Variants in CDC16 observed in about 807,000 individuals in gnomAD.
CDC16 encodes the protein cell division cycle 16.
CDC16 carries 34 observed loss-of-function variants against 87.0 expected under a neutral mutation model. The observed-to-expected ratio is 0.39, with a 90% CI of 0.30 to 0.52. The LOEUF (loss-of-function observed/expected upper bound fraction) is 0.52. Ranked by LOEUF, CDC16 falls within the 20% of genes least tolerant of loss-of-function variation. The probability of loss-of-function intolerance (pLI) is 0.74; values close to 1 mark genes in which losing one functional copy is unlikely to be tolerated. For missense variants in CDC16, 653 were observed against 751.9 expected (o/e 0.87, Z 1.54); for synonymous variants, 263 against 260.6 (o/e 1.01, Z -0.09).
At chr13:114,264,067 G>C (rs532398042) in intron 16 of CDC16, 1 of 152,134 alleles carries the variant, frequency 6.6e-6, no homozygotes, top group African/African-American at 2.4e-5. Flanking sequence ...TGAGCGCTTC[G>C]TAACTGATTT....
chr13:114,257,426 TG>T (rs989138761), intron 13 of CDC16, among the ~76,000 whole-genome samples, 196 bp downstream of exon 13: 7 of 152,242 alleles, frequency 4.6e-5, no homozygotes, highest in African/African-American at 1.7e-4. Flanking sequence ...ACCCAGGTTT[TG>T]GTCTTTTTTT....
intron 17 of CDC16, among the ~76,000 whole-genome samples, chr13:114,268,327 G>A (rs541660267): frequency 6.6e-6 from 1 of 152,356 alleles, no homozygotes; most frequent in Admixed American, 6.5e-5. Context: ...ACTACAAGTT[G>A]TCCAGGTTCT....
At position 114,261,849 on chromosome 13, in the gene CDC16, CAT is replaced by C. The variant is rs771333127; in HGVS notation, c.1315-32_1315-31del. ...GCAAACAAATCAGGCTGAACAGTGA[CAT>C]ATATAACTCGTGGGCTTGATGTTGC... is the stretch of plus-strand genomic sequence containing the variant. On this transcript the variant is annotated intron_variant, in intron 14 of 17. Coordinates refer to ENST00000356221, the MANE Select transcript of CDC16 (RefSeq NM_001078645.3). 4.9e-6 allele frequency: 7 copies of C among 1,439,586 alleles called. No homozygotes were observed. The African/African-American group carries it at 8.6e-5, about 18-fold the overall frequency. 89.2% of individuals were successfully genotyped at this position (1,439,586 alleles called of 1,614,324 possible). A position where few individuals can be genotyped will look rare whatever the true frequency, so the allele number is the denominator to read the frequency against.
At chr13:114,269,194 T>A (rs1594700008) in intron 17 of CDC16, among the ~76,000 whole-genome samples, 1 of 152,198 alleles carries the variant, frequency 6.6e-6, no homozygotes, top group East Asian at 1.9e-4. Context: ...GGAGCTCAGC[T>A]TGGGTGCTGA....
At chr13:114,236,541 AATTAT>A in intron 1 of CDC16, 99 bp from the exon 2 acceptor site, 1 of 929,484 alleles carries the variant, frequency 1.1e-6, no homozygotes. Context: ...TATTACATAG[AATTAT>A]ATTAATATAT....
rs2083755575 is a variant in CDC16 at position 114,272,529 on chromosome 13, C to T, written c.*86C>T. The T allele has an allele frequency of 8.6e-7, 1 of 1,167,202 alleles. No individual in the cohort carries two copies. Among genetic ancestry groups the T allele is most frequent in the Non-Finnish European group, 1.2e-6 (1 of 822,176 alleles). The allele number at this position is 1,167,202 out of a possible 1,614,324, so 72.3% of individuals were successfully genotyped here. A position where few individuals can be genotyped will look rare whatever the true frequency, so the allele number is the denominator to read the frequency against. ...TCCATGGCTTAAGAATGTCCCACTT[C>T]CTAACGTGACTCCAAACTGCATCTC... On this transcript the variant is annotated 3_prime_UTR_variant, in exon 18 of 18. Transcript: ENST00000356221.
chr13:114,246,824 G>A, intron 10 of CDC16, 107 bp from the exon 11 acceptor site: 1 of 740,472 alleles, frequency 1.4e-6, no homozygotes, highest in Non-Finnish European at 2.5e-6. Flanking sequence ...ACTAGAATAT[G>A]TGATAAGGAA....
Position 114,239,578 on chromosome 13 carries a change from T to C in CDC16, c.381+88T>C. ...AAACACATTATCTTCTTTTACTTAT[T>C]ACTATATTAAAACAATTGTGGTTGC... On this transcript the variant is annotated intron_variant, in intron 5 of 17. Transcript: ENST00000356221. 5 of 1,341,486 alleles carry C rather than the reference T, an allele frequency of 3.7e-6. No individual in the cohort carries two copies. In the South Asian group the frequency reaches 1.2e-4, roughly 33 times the overall value. 83.1% of individuals were successfully genotyped at this position (1,341,486 alleles called of 1,614,324 possible).
chr13:114,270,886 T>A (rs1308505119), intron 17 of CDC16, among the ~76,000 whole-genome samples: 1 of 151,546 alleles, frequency 6.6e-6, no homozygotes, highest in Non-Finnish European at 1.5e-5. Flanking sequence ...CAGAGGGATG[T>A]CTCCTTGACC....
In CDC16 at chr13:114,244,941, G is replaced by T. The variant is rs1429884404; in HGVS notation, c.819G>T (p.Gly273=). 1.4e-5 allele frequency: 22 copies of T among 1,606,182 alleles called. No individual in the cohort carries two copies. The highest frequency in any genetic ancestry group is 1.9e-5 in the Non-Finnish European group (22 of 1,173,894). Reference sequence around the variant, plus strand: ...CAAGTTGTTTACCTGTACATATAGGGACGCTTGTAGAGCTGAATAAAGCCA... The same window carrying T: ...CAAGTTGTTTACCTGTACATATAGGTACGCTTGTAGAGCTGAATAAAGCCA... ...FHASCLPVHI[G]TLVELNKANE... Residue 273 remains glycine, a synonymous_variant, in exon 9 of 18, where the codon GGG becomes GGT. Coordinates refer to ENST00000356221, the MANE Select transcript of CDC16 (RefSeq NM_001078645.3).
In CDC16 at chr13:114,262,683, G is replaced by A. The variant is rs56718210; in HGVS notation, c.1377-196G>A. On this transcript the variant is annotated intron_variant, in intron 15 of 17. Transcript: ENST00000356221. ...CCCTGCAGGAGTGCCCTTGGCCGGC[G>A]GAGGGAGTGGGCCTGGAAGATGCAT... is the stretch of plus-strand genomic sequence containing the variant. Among the ~76,000 whole-genome samples, 724 of 152,324 alleles carry A rather than the reference G, an allele frequency of 4.8e-3. 2 individuals are homozygous for A. Among genetic ancestry groups the A allele is most frequent in the African/African-American group, 0.016 (680 of 41,564 alleles).
intron 9 of CDC16, 22 bp from the exon 10 acceptor site, chr13:114,245,976 CTT>C: frequency 7.3e-7 from 1 of 1,372,002 alleles, no homozygotes; most frequent in South Asian, 1.3e-5. Flanking sequence ...AACAATTGTT[CTT>C]TTTCTGCTTT....
At chr13:114,247,532 A>G (rs559278226) in intron 11 of CDC16, among the ~76,000 whole-genome samples, 27 of 152,140 alleles carry the variant, frequency 1.8e-4, no homozygotes, top group African/African-American at 6.3e-4. Context: ...GAGAAAAAAA[A>G]AATCAGTGAT....
intron 16 of CDC16, 84 bp downstream of exon 16, chr13:114,263,098 T>G: frequency 8.3e-7 from 1 of 1,207,532 alleles, no homozygotes; most frequent in Non-Finnish European, 1.2e-6. Flanking sequence ...TAGGTAATAT[T>G]GACTTACTAT....
chr13:114,250,104 C>A (rs2082083953), intron 11 of CDC16, among the ~76,000 whole-genome samples: 1 of 152,168 alleles, frequency 6.6e-6, no homozygotes, highest in African/African-American at 2.4e-5. Context: ...AGAAGGATTA[C>A]TTGAGCCCAG....
In CDC16 at chr13:114,261,944, C is replaced by A; in HGVS notation, c.1372C>A (p.Leu458Ile). 6.3e-7 allele frequency: 1 copy of A among 1,593,264 alleles called. No individual in the cohort carries two copies. The part of the protein sequence containing the change: ...LNNLGHVCRK[L>I]KKYAEALDYH... Reference sequence around the variant, plus strand: ...CAACTTGGGGCATGTCTGCAGAAAACTTAAGTAAGTGAAGTAGAGCATTTT... The same window carrying A: ...CAACTTGGGGCATGTCTGCAGAAAAATTAAGTAAGTGAAGTAGAGCATTTT... Residue 458 changes from leucine to isoleucine, a missense_variant, in exon 15 of 18, where the codon CTT becomes ATT. Transcript: ENST00000356221.
chr13:114,246,854 C>A, intron 10 of CDC16, 77 bp from the exon 11 acceptor site: 1 of 867,868 alleles, frequency 1.2e-6, no homozygotes, highest in Non-Finnish European at 2.0e-6. Flanking sequence ...TACCCTCTGT[C>A]TACCCTAATT....
Position 114,245,785 on chromosome 13 carries a change from G to A in CDC16, c.848-215G>A, listed in dbSNP as rs17291208. ...GTATCCTCTGCAGTATTCGGGAAGT[G>A]CTGTCTTAGGGGGTGTCTGTTCCCA... On this transcript the variant is annotated intron_variant, in intron 9 of 17. Transcript: ENST00000356221. The A allele has an allele frequency of 5.1e-3, 2,465 of 480,212 alleles. 56 individuals are homozygous for A. Among genetic ancestry groups the A allele is most frequent in the African/African-American group, 0.045 (2,180 of 48,898 alleles). 29.7% of individuals were successfully genotyped at this position (480,212 alleles called of 1,614,324 possible).
At position 114,243,881 on chromosome 13, in the gene CDC16, T is replaced by C. The variant is rs2138914471; in HGVS notation, c.659T>C (p.Ile220Thr). The C allele has an allele frequency of 6.2e-7, 1 of 1,610,560 alleles. No homozygotes were observed. Among genetic ancestry groups the C allele is most frequent in the Admixed American group, 1.7e-5 (1 of 59,846 alleles). Reference sequence around the variant, plus strand: ...TATAATAAGCCTAGTGAAACGGTCATCCCTGAATCTGTAGATGGCTTGCAA... The same window carrying C: ...TATAATAAGCCTAGTGAAACGGTCACCCCTGAATCTGTAGATGGCTTGCAA... ...KKYNKPSETV[I>T]PESVDGLQEN... is the part of the protein sequence containing the mutation. Residue 220 changes from isoleucine (I) to threonine (T), a missense_variant, in exon 8 of 18, where the codon ATC (isoleucine) becomes ACC (threonine). By Grantham distance (89) the Ile-to-Thr change is moderately conservative. Coordinates refer to ENST00000356221, the MANE Select transcript of CDC16 (RefSeq NM_001078645.3).
Sources: gnomAD v4.1 joint callset for allele counts (sites outside exome capture counted in the v4.1 genomes callset) on GRCh38, gnomAD v4.1.1 for gene constraint, MANE v1.5 for transcripts, NCBI Gene and HGNC (gene_info 2026-07-23, HGNC 2026-07-21) for gene names.